FOXP2: variants seen among roughly 807,000 people sequenced by gnomAD.
FOXP2 encodes the protein forkhead box protein P2.
A neutral mutation model predicts 115.8 loss-of-function variants in FOXP2; 12 were observed. That is an observed-to-expected ratio of 0.10 (90% CI 0.07 to 0.17). The LOEUF (loss-of-function observed/expected upper bound fraction) is 0.17. Among genes scored for constraint, FOXP2 ranks in the 10% least tolerant of loss-of-function variants. FOXP2 has a pLI of 1.00. For missense variants in FOXP2, 629 were observed against 843.5 expected, an observed-to-expected ratio of 0.75 and a Z score of 3.15; for synonymous variants, 328 against 297.7, an observed-to-expected ratio of 1.10 and a Z score of -1.05.
At chr7:114,159,256 T>G (rs1792759938), upstream of FOXP2, among the ~76,000 whole-genome samples, 1 of 151,340 alleles carries the variant, frequency 6.6e-6, no homozygotes, top group South Asian at 2.1e-4. Flanking sequence ...AAGGAAAGAG[T>G]AAACAATGAG....
At chr7:114,392,138 C>T (rs974582284) in intron 2 of FOXP2, among the ~76,000 whole-genome samples, 3 of 152,106 alleles carry the variant, frequency 2.0e-5, no homozygotes, top group African/African-American at 4.8e-5. Flanking sequence ...GAGATTCTGT[C>T]AAGTGGAAGC....
chr7:114,579,257 T>C (rs1584917741), intron 3 of FOXP2, among the ~76,000 whole-genome samples: 1 of 152,312 alleles, frequency 6.6e-6, no homozygotes, highest in African/African-American at 2.4e-5. Context: ...GGACACTCAA[T>C]GTATAAAGCC....
chr7:114,472,394 G>A (rs958760076), intron 2 of FOXP2, among the ~76,000 whole-genome samples: 2 of 148,440 alleles, frequency 1.3e-5, no homozygotes, highest in Non-Finnish European at 3.0e-5. Flanking sequence ...TGCCCAGGCT[G>A]GAGTGCAGTG....
chr7:114,638,765 A>G (rs1327770197), intron 6 of FOXP2, among the ~76,000 whole-genome samples: 3 of 152,170 alleles, frequency 2.0e-5, no homozygotes, highest in African/African-American at 4.8e-5. Flanking sequence ...AGATTTTAAA[A>G]TATGCCCAGG....
At chr7:114,327,818 T>A (rs1797595687) in intron 2 of FOXP2, among the ~76,000 whole-genome samples, 1 of 151,150 alleles carries the variant, frequency 6.6e-6, no homozygotes, top group African/African-American at 2.4e-5. Context: ...TTTGTTTTGT[T>A]TTGTCTTGTC....
chr7:114,266,639 GC>G (rs1795903019), intron 1 of FOXP2, among the ~76,000 whole-genome samples: 1 of 152,022 alleles, frequency 6.6e-6, no homozygotes, highest in African/African-American at 2.4e-5. Context: ...CTCCCAATAG[GC>G]CCCACCTCCA....
intron 1 of FOXP2, among the ~76,000 whole-genome samples, chr7:114,245,802 T>C (rs1159482627): frequency 6.6e-6 from 1 of 152,168 alleles, no homozygotes; most frequent in African/African-American, 2.4e-5. Context: ...GTATAAAATT[T>C]ATTCAATTAA....
intron 1 of FOXP2, among the ~76,000 whole-genome samples, chr7:114,170,018 A>T (rs1249840768): frequency 6.6e-6 from 1 of 152,138 alleles, no homozygotes; most frequent in African/African-American, 2.4e-5. Context: ...TCTTTTGTAA[A>T]TCGCCCTGTC....
intron 1 of FOXP2, among the ~76,000 whole-genome samples, chr7:114,096,806 T>G (rs919569643): frequency 6.6e-6 from 1 of 152,200 alleles, no homozygotes; most frequent in African/African-American, 2.4e-5. Context: ...ATACAGAATA[T>G]GTAAGTAATA....
chr7:114,554,886 T>A (rs2129288768), intron 3 of FOXP2, among the ~76,000 whole-genome samples: 1 of 152,314 alleles, frequency 6.6e-6, no homozygotes, highest in South Asian at 2.1e-4. Context: ...GTATGATGAT[T>A]TTGTGATTGC....
intron 1 of FOXP2, among the ~76,000 whole-genome samples, chr7:114,099,325 A>G (rs1197167348): frequency 6.6e-6 from 1 of 152,206 alleles, no homozygotes; most frequent in African/African-American, 2.4e-5. Context: ...ACTGTGAGGT[A>G]TCATCTCACA....
chr7:114,095,110 A>C (rs1562962326), intron 1 of FOXP2, among the ~76,000 whole-genome samples: 1 of 152,166 alleles, frequency 6.6e-6, no homozygotes, highest in Admixed American at 6.5e-5. Flanking sequence ...CCACATCGTT[A>C]AATAGCCAGC....
chr7:114,359,185 T>C (rs1213400390), intron 2 of FOXP2, among the ~76,000 whole-genome samples: 1 of 152,184 alleles, frequency 6.6e-6, no homozygotes, highest in African/African-American at 2.4e-5. Flanking sequence ...CTCAGGTCAT[T>C]GCTTCAGAGG....
chr7:114,141,241 C>A (rs952857447), intron 1 of FOXP2, among the ~76,000 whole-genome samples: 2 of 152,074 alleles, frequency 1.3e-5, no homozygotes, highest in Non-Finnish European at 2.9e-5. Context: ...CCCCACGAGT[C>A]CCAGGAAGCA....
intron 3 of FOXP2, among the ~76,000 whole-genome samples, chr7:114,602,544 CTGTGGTT>C (rs1368540979): frequency 6.6e-6 from 1 of 151,950 alleles, no homozygotes; most frequent in Non-Finnish European, 1.5e-5. Context: ...CTACAGTTTT[CTGTGGTT>C]TATTATACAA....
chr7:114,216,175 A>C (rs1794479650), intron 1 of FOXP2, among the ~76,000 whole-genome samples: 1 of 152,214 alleles, frequency 6.6e-6, no homozygotes, highest in South Asian at 2.1e-4. Flanking sequence ...TAAGAAGTGA[A>C]GGGACAGAAT....
At chr7:114,105,810 G>T (rs981161264) in intron 1 of FOXP2, among the ~76,000 whole-genome samples, 1 of 152,046 alleles carries the variant, frequency 6.6e-6, no homozygotes, top group African/African-American at 2.4e-5. Context: ...GAAAATAACA[G>T]AAATTATTAT....
At chr7:114,490,768 T>A (rs1289987344) in intron 2 of FOXP2, among the ~76,000 whole-genome samples, 1 of 152,166 alleles carries the variant, frequency 6.6e-6, no homozygotes, top group Admixed American at 6.5e-5. Context: ...TGGTTTTTTG[T>A]CCTTGTGATA....
chr7:114,379,205 C>G (rs1408332019), intron 2 of FOXP2, among the ~76,000 whole-genome samples: 1 of 152,196 alleles, frequency 6.6e-6, no homozygotes, highest in Non-Finnish European at 1.5e-5. Flanking sequence ...TGTCCCGATC[C>G]TTGTCCCTCC....
Sources: allele counts gnomAD v4.1 joint callset (sites outside exome capture counted in the v4.1 genomes callset), GRCh38; gene constraint gnomAD v4.1.1; transcripts MANE v1.5; gene names NCBI Gene and HGNC (gene_info 2026-07-23, HGNC 2026-07-21).